The following TENM3 variants were observed in gnomAD, a reference collection of about 807,000 sequenced individuals.
The protein encoded by TENM3 is teneurin-3.
In TENM3, 63 loss-of-function variants were observed where a neutral mutation model predicts 255.1. The ratio of observed to expected loss-of-function variants is 0.25; its 90% CI spans 0.20 to 0.30. The LOEUF is 0.30. TENM3 is among the 10% of genes least tolerant of loss of function. The probability of loss-of-function intolerance (pLI) is 1.00; values close to 1 mark genes in which losing one functional copy is unlikely to be tolerated. For missense variants in TENM3, 2,929 were observed against 3,461.1 expected, an observed-to-expected ratio of 0.85 and a Z score of 3.86; for synonymous variants, 1,306 against 1,322.3, an observed-to-expected ratio of 0.99 and a Z score of 0.27.
chr4:182,351,546 G>A (rs1765182622), intron 3 of TENM3, among the ~76,000 whole-genome samples: 1 of 152,150 alleles, frequency 6.6e-6, no homozygotes, highest in Non-Finnish European at 1.5e-5. Context: ...GTTCTGGAGG[G>A]GCGGAGCTCT....
At chr4:181,778,705 G>T in the TENM3 span, among the ~76,000 whole-genome samples, 1 of 152,078 alleles carries the variant, frequency 6.6e-6, no homozygotes, top group African/African-American at 2.4e-5. Flanking sequence ...CTTTGAGCTG[G>T]ATTCTCACTA....
At chr4:182,770,438 A>G (rs1764104152) in intron 22 of TENM3, among the ~76,000 whole-genome samples, 1 of 151,860 alleles carries the variant, frequency 6.6e-6, no homozygotes, top group Admixed American at 6.6e-5. Flanking sequence ...GGGCCCCTGC[A>G]CCCCGACACC....
intron 1 of TENM3, among the ~76,000 whole-genome samples, chr4:182,309,907 A>G (rs976748366): frequency 4.6e-5 from 7 of 152,196 alleles, no homozygotes; most frequent in Non-Finnish European, 7.3e-5. Flanking sequence ...TTATGTGCCA[A>G]TAACTGTGCT....
chr4:182,751,745 C>T, intron 19 of TENM3, 55 bp from the exon 20 acceptor site: 4 of 1,284,094 alleles, frequency 3.1e-6, no homozygotes, highest in South Asian at 1.2e-5. Flanking sequence ...TTTTAATTTC[C>T]CTCTGTGTAT....
At chr4:181,619,989 C>T in the TENM3 span, among the ~76,000 whole-genome samples, 1 of 152,206 alleles carries the variant, frequency 6.6e-6, no homozygotes, top group Admixed American at 6.5e-5. Context: ...TATTTTTTCT[C>T]ATTTAAAATA....
chr4:181,516,508 C>T, the TENM3 span, among the ~76,000 whole-genome samples: 38 of 152,122 alleles, frequency 2.5e-4, no homozygotes, highest in South Asian at 6.2e-3. Context: ...TGGGTGGGCG[C>T]GGTGGCTCAC....
chr4:181,657,078 A>G, the TENM3 span, among the ~76,000 whole-genome samples: 1 of 152,260 alleles, frequency 6.6e-6, no homozygotes, highest in Non-Finnish European at 1.5e-5. Flanking sequence ...AAAAGAACGA[A>G]GAGGGAAATT....
At chr4:182,776,325 T>G (rs1764688877) in intron 24 of TENM3, among the ~76,000 whole-genome samples, 1 of 152,124 alleles carries the variant, frequency 6.6e-6, no homozygotes, top group Non-Finnish European at 1.5e-5. Context: ...GGCAGGAGGA[T>G]TGCTTGAACA....
At chr4:181,816,383 G>A in the TENM3 span, among the ~76,000 whole-genome samples, 1 of 152,132 alleles carries the variant, frequency 6.6e-6, no homozygotes, top group Non-Finnish European at 1.5e-5. Context: ...GGAGTCAAAG[G>A]AAAACTCTAT....
At chr4:181,879,612 T>C in the TENM3 span, among the ~76,000 whole-genome samples, 1 of 152,182 alleles carries the variant, frequency 6.6e-6, no homozygotes, top group Non-Finnish European at 1.5e-5. Context: ...GAAGACATGG[T>C]TTTTAAAATT....
the TENM3 span, among the ~76,000 whole-genome samples, chr4:181,588,423 C>T: frequency 4.6e-5 from 7 of 152,280 alleles, no homozygotes; most frequent in African/African-American, 1.7e-4. Context: ...GAAAAGATGA[C>T]ACCAGAGAGC....
At chr4:182,753,074 A>G (rs1762489609) in intron 20 of TENM3, among the ~76,000 whole-genome samples, 1 of 151,570 alleles carries the variant, frequency 6.6e-6, no homozygotes, top group Non-Finnish European at 1.5e-5. Flanking sequence ...AGCCTCCCGA[A>G]TAGCTGGGAC....
chr4:181,888,923 G>A, the TENM3 span, among the ~76,000 whole-genome samples: 7 of 151,756 alleles, frequency 4.6e-5, no homozygotes, highest in African/African-American at 7.2e-5. Flanking sequence ...ATTAGTAGAC[G>A]CCCACCCTCA....
At chr4:182,233,457 A>G (rs1465679740) in intron 1 of TENM3, among the ~76,000 whole-genome samples, 1 of 152,146 alleles carries the variant, frequency 6.6e-6, no homozygotes, top group Non-Finnish European at 1.5e-5. Context: ...CCTCAAAACA[A>G]ATTTCTGAAA....
At chr4:181,926,559 G>T in the TENM3 span, among the ~76,000 whole-genome samples, 1 of 151,914 alleles carries the variant, frequency 6.6e-6, no homozygotes, top group African/African-American at 2.4e-5. Flanking sequence ...AAGGTTTTTT[G>T]GGTTTTGGGG....
At chr4:181,630,200 T>G in the TENM3 span, among the ~76,000 whole-genome samples, 1 of 152,222 alleles carries the variant, frequency 6.6e-6, no homozygotes, top group African/African-American at 2.4e-5. Context: ...TTACCATTTT[T>G]TATTGTGTCT....
the TENM3 span, among the ~76,000 whole-genome samples, chr4:182,006,284 C>T: frequency 0.35 from 53,642 of 151,824 alleles, 10,155 homozygotes; most frequent in African/African-American, 0.45. Flanking sequence ...TTTTTTGGAA[C>T]AGTTTCACAA....
At chr4:182,090,863 TCTC>T in the TENM3 span, among the ~76,000 whole-genome samples, 1 of 152,212 alleles carries the variant, frequency 6.6e-6, no homozygotes, top group Admixed American at 6.5e-5. Context: ...CTTTCTGTCT[TCTC>T]TAGAGAAATA....
intron 1 of TENM3, among the ~76,000 whole-genome samples, chr4:182,245,199 G>C (rs986042276): frequency 6.6e-6 from 1 of 152,106 alleles, no homozygotes; most frequent in Non-Finnish European, 1.5e-5. Context: ...TTAATCCATG[G>C]GCTTTGTTTC....
Sources: allele counts gnomAD v4.1 joint callset (sites outside exome capture counted in the v4.1 genomes callset), GRCh38; gene constraint gnomAD v4.1.1; transcripts MANE v1.5; gene names NCBI Gene and HGNC (gene_info 2026-07-23, HGNC 2026-07-21).